PRKD1: variants seen among roughly 807,000 people sequenced by gnomAD.
PRKD1 encodes the protein serine/threonine-protein kinase D1.
Under a neutral mutation model 95.9 loss-of-function variants are expected in PRKD1, and 63 were observed. That is an observed-to-expected ratio of 0.66 (90% CI 0.54 to 0.81). The LOEUF is 0.81. Ranked by LOEUF, PRKD1 falls within the 30% of genes least tolerant of loss-of-function variation. The pLI, the probability that PRKD1 is intolerant of heterozygous loss-of-function variation, is 0.00. For missense variants in PRKD1, 1,048 were observed against 1,165.3 expected (o/e 0.90, Z 1.47); for synonymous variants, 425 against 423.1 (o/e 1.00, Z -0.05).
At position 29,690,966 on chromosome 14, in the gene PRKD1, T is replaced by C. The variant is rs79717336; in HGVS notation, c.404-24758A>G. ...TTGTCTTTACCGTGGTAATGTATGA[T>C]AACTGGTGAATCATTTAGTTTTGAC... On this transcript the variant is annotated intron_variant, in intron 2 of 17. Coordinates refer to ENST00000331968, the MANE Select transcript of PRKD1 (RefSeq NM_002742.3). 4.8e-3 allele frequency among the ~76,000 whole-genome samples: 735 copies of C among 152,318 alleles called. 7 individuals are homozygous for C. Among genetic ancestry groups the C allele is most frequent in the African/African-American group, 0.016 (672 of 41,566 alleles).
chr14:29,657,067 C>T (rs377042589), intron 4 of PRKD1, among the ~76,000 whole-genome samples: 1 of 152,094 alleles, frequency 6.6e-6, no homozygotes, highest in African/African-American at 2.4e-5. Flanking sequence ...GAAAAACATG[C>T]CTACAATGTA....
chr14:29,645,637 A>G (rs1881076454), intron 4 of PRKD1, among the ~76,000 whole-genome samples: 2 of 152,166 alleles, frequency 1.3e-5, no homozygotes, highest in African/African-American at 2.4e-5. Flanking sequence ...TGAAAGCTCA[A>G]TTCAGATGCT....
At chr14:29,882,682 A>G (rs1300624079) in intron 1 of PRKD1, among the ~76,000 whole-genome samples, 1 of 152,202 alleles carries the variant, frequency 6.6e-6, no homozygotes, top group Non-Finnish European at 1.5e-5. Flanking sequence ...GCCAACTGCC[A>G]TTCTACTTTC....
intron 1 of PRKD1, among the ~76,000 whole-genome samples, chr14:29,808,889 A>C (rs1049201872): frequency 1.3e-5 from 2 of 152,232 alleles, no homozygotes; most frequent in African/African-American, 2.4e-5. Flanking sequence ...GGTGATTCCT[A>C]TCCAAAATGT....
chr14:29,802,372 T>C (rs558048541), intron 1 of PRKD1, among the ~76,000 whole-genome samples: 1 of 152,334 alleles, frequency 6.6e-6, no homozygotes, highest in African/African-American at 2.4e-5. Flanking sequence ...TAAGTTCAGA[T>C]AAAAAGCACA....
intron 1 of PRKD1, among the ~76,000 whole-genome samples, chr14:29,824,589 T>C (rs562748954): frequency 1.3e-5 from 2 of 152,282 alleles, no homozygotes; most frequent in South Asian, 4.1e-4. Flanking sequence ...GCTCTCCAAT[T>C]ATAAACAGTG....
intron 1 of PRKD1, among the ~76,000 whole-genome samples, chr14:29,780,095 C>T (rs544451519): frequency 6.6e-6 from 1 of 152,130 alleles, no homozygotes; most frequent in Non-Finnish European, 1.5e-5. Context: ...ATGTAGAAAG[C>T]TGAAACTGGA....
At chr14:29,830,110 T>G (rs1024127247) in intron 1 of PRKD1, among the ~76,000 whole-genome samples, 15 of 152,312 alleles carry the variant, frequency 9.8e-5, no homozygotes, top group African/African-American at 3.6e-4. Context: ...TGCTGCATTT[T>G]GGGGGCTGAT....
At chr14:29,803,289 G>A (rs528886674) in intron 1 of PRKD1, among the ~76,000 whole-genome samples, 172 of 152,292 alleles carry the variant, frequency 1.1e-3, no homozygotes, top group African/African-American at 2.2e-3. Context: ...TCATTTTGAT[G>A]GCACACAAGG....
At chr14:29,664,111 C>T (rs1446135358) in intron 3 of PRKD1, among the ~76,000 whole-genome samples, 1 of 152,080 alleles carries the variant, frequency 6.6e-6, no homozygotes, top group Admixed American at 6.6e-5. Flanking sequence ...TGTGATATAA[C>T]AGTCTTAGGC....
At chr14:29,826,639 G>A (rs1296515761) in intron 1 of PRKD1, among the ~76,000 whole-genome samples, 1 of 91,216 alleles carries the variant, frequency 1.1e-5, no homozygotes, top group Non-Finnish European at 2.1e-5. Flanking sequence ...ATATATGTGT[G>A]TGTGTATATA....
intron 1 of PRKD1, among the ~76,000 whole-genome samples, chr14:29,858,354 G>A (rs1033834271): frequency 1.3e-5 from 2 of 152,144 alleles, no homozygotes; most frequent in African/African-American, 4.8e-5. Context: ...ATGGCAAATT[G>A]TACATGCTCA....
intron 4 of PRKD1, among the ~76,000 whole-genome samples, chr14:29,647,346 C>T (rs993396839): frequency 6.6e-6 from 1 of 152,124 alleles, no homozygotes; most frequent in African/African-American, 2.4e-5. Flanking sequence ...AAGTGATCTA[C>T]CCATTGCAGG....
intron 3 of PRKD1, among the ~76,000 whole-genome samples, chr14:29,664,194 G>A (rs1038969592): frequency 6.6e-6 from 1 of 152,164 alleles, no homozygotes; most frequent in Admixed American, 6.5e-5. Flanking sequence ...TCAAATGTGA[G>A]TGGACACATA....
chr14:29,633,014 A>G (rs911334545), intron 8 of PRKD1, 68 bp from the exon 9 acceptor site: 4 of 1,411,632 alleles, frequency 2.8e-6, no homozygotes, highest in Non-Finnish European at 3.0e-6. Flanking sequence ...GAAAACATAA[A>G]TAGATTTCCC....
At chr14:29,808,784 A>G (rs563301804) in intron 1 of PRKD1, among the ~76,000 whole-genome samples, 4 of 152,284 alleles carry the variant, frequency 2.6e-5, no homozygotes, top group South Asian at 4.1e-4. Flanking sequence ...AAAGTCATCC[A>G]TAAGTGTTGG....
chr14:29,731,495 T>C (rs11627369), intron 1 of PRKD1, among the ~76,000 whole-genome samples: 26,916 of 152,184 alleles, frequency 0.18, 2,635 homozygotes, highest in South Asian at 0.26. Flanking sequence ...TGCTTAATAA[T>C]TTTCTGTTTG....
intron 1 of PRKD1, among the ~76,000 whole-genome samples, chr14:29,771,884 T>C (rs1365447558): frequency 6.6e-6 from 1 of 152,246 alleles, no homozygotes; most frequent in Non-Finnish European, 1.5e-5. Flanking sequence ...TGTTGTGGAC[T>C]TATTGCAACT....
intron 1 of PRKD1, among the ~76,000 whole-genome samples, chr14:29,820,261 C>A (rs1890860598): frequency 6.6e-6 from 1 of 152,180 alleles, no homozygotes; most frequent in African/African-American, 2.4e-5. Flanking sequence ...TGTGCAGGCA[C>A]CAGGCTATGT....
Sources: allele counts gnomAD v4.1 joint callset (sites outside exome capture counted in the v4.1 genomes callset), GRCh38; gene constraint gnomAD v4.1.1; transcripts MANE v1.5; gene names NCBI Gene and HGNC (gene_info 2026-07-23, HGNC 2026-07-21).